Variants in MARCHF1 observed in about 807,000 individuals in gnomAD.
MARCHF1 encodes E3 ubiquitin-protein ligase MARCHF1.
MARCHF1 carries 40 observed loss-of-function variants against 54.2 expected under a neutral mutation model. The ratio of observed to expected loss-of-function variants is 0.74; its 90% CI spans 0.57 to 0.96. MARCHF1 has a LOEUF of 0.96. Among genes scored for constraint, MARCHF1 ranks in the 40% least tolerant of loss-of-function variants. The pLI, the probability that MARCHF1 is intolerant of heterozygous loss-of-function variation, is 0.00. For synonymous variants in MARCHF1, 236 were observed against 236.3 expected (o/e 1.00, Z 0.01); for missense variants, 586 against 656.5 (o/e 0.89, Z 1.17).
intron 7 of MARCHF1, among the ~76,000 whole-genome samples, chr4:163,599,728 A>T (rs369933933): frequency 2.0e-5 from 3 of 152,158 alleles, no homozygotes; most frequent in Non-Finnish European, 4.4e-5. Context: ...TCCCACTCCC[A>T]GCGTTTCTGA....
chr4:164,009,483 T>A (rs745752246), intron 2 of MARCHF1, among the ~76,000 whole-genome samples: 1 of 152,036 alleles, frequency 6.6e-6, no homozygotes, highest in East Asian at 1.9e-4. Flanking sequence ...CAGATGAAGA[T>A]ACAATAAAGA....
At chr4:163,821,995 C>G (rs865839153) in intron 4 of MARCHF1, among the ~76,000 whole-genome samples, 1 of 151,804 alleles carries the variant, frequency 6.6e-6, no homozygotes, top group Non-Finnish European at 1.5e-5. Flanking sequence ...TTTTATGAGA[C>G]AGTGTAATAA....
chr4:163,935,239 G>T (rs185678154), intron 3 of MARCHF1, among the ~76,000 whole-genome samples: 32 of 152,230 alleles, frequency 2.1e-4, no homozygotes, highest in Admixed American at 1.6e-3. Context: ...GTTACCAGCT[G>T]CATTATCCTC....
intron 4 of MARCHF1, among the ~76,000 whole-genome samples, chr4:163,710,298 G>C (rs577776145): frequency 3.2e-4 from 49 of 152,092 alleles, no homozygotes; most frequent in Non-Finnish European, 2.8e-4. Flanking sequence ...CAGATATTAA[G>C]TTGGTGTGAA....
intron 1 of MARCHF1, among the ~76,000 whole-genome samples, chr4:164,204,932 CA>C (rs1731563432): frequency 2.6e-5 from 4 of 152,046 alleles, no homozygotes; most frequent in Admixed American, 2.0e-4. Context: ...TCTGTACAAT[CA>C]AAAAACCTAA....
At chr4:163,717,957 T>C (rs187588010) in intron 4 of MARCHF1, among the ~76,000 whole-genome samples, 109 of 152,276 alleles carry the variant, frequency 7.2e-4, no homozygotes, top group African/African-American at 2.5e-3. Context: ...AACAGAGATA[T>C]AGACCAATGG....
intron 2 of MARCHF1, among the ~76,000 whole-genome samples, chr4:164,070,847 A>C (rs1229583896): frequency 4.6e-5 from 7 of 152,194 alleles, no homozygotes; most frequent in Admixed American, 1.3e-4. Flanking sequence ...ATTTCAACTG[A>C]ATTGTATCTC....
intron 1 of MARCHF1, among the ~76,000 whole-genome samples, chr4:164,253,935 C>A (rs1733194588): frequency 6.6e-6 from 1 of 152,096 alleles, no homozygotes; most frequent in Non-Finnish European, 1.5e-5. Context: ...ATGATTCTAT[C>A]TATATAACAT....
intron 4 of MARCHF1, among the ~76,000 whole-genome samples, chr4:163,713,380 C>T (rs1290065058): frequency 6.6e-6 from 1 of 152,148 alleles, no homozygotes; most frequent in East Asian, 1.9e-4. Context: ...CCCAACTATA[C>T]CACTTGTGGT....
At chr4:164,227,875 A>C (rs1165941893) in intron 1 of MARCHF1, among the ~76,000 whole-genome samples, 1 of 152,140 alleles carries the variant, frequency 6.6e-6, no homozygotes, top group African/African-American at 2.4e-5. Flanking sequence ...ACTGTAATAT[A>C]ATCAGAGGAT....
At chr4:164,340,405 T>TTATATACATATATATATATATATA (rs58808830) in intron 1 of MARCHF1, among the ~76,000 whole-genome samples, 25 of 95,646 alleles carry the variant, frequency 2.6e-4, no homozygotes, top group African/African-American at 8.3e-4. Flanking sequence ...AGGCCTTGAT[T>TTATATACATATATATATATATATA]TATATATAGA....
At chr4:164,280,059 A>G (rs1347122324) in intron 1 of MARCHF1, among the ~76,000 whole-genome samples, 2 of 151,874 alleles carry the variant, frequency 1.3e-5, no homozygotes, top group Non-Finnish European at 2.9e-5. Flanking sequence ...ATGTGGCAAG[A>G]GCATATTTGA....
rs1491462291 is a variant in MARCHF1 at position 164,274,660 on chromosome 4, T to TTC, written c.-323+109209_-323+109210insGA. 7.0e-4 allele frequency among the ~76,000 whole-genome samples: 15 copies of TTC among 21,464 alleles called. 4 individuals are homozygous for TTC. The highest frequency in any genetic ancestry group is 4.4e-3 in the African/African-American group (13 of 2,934). The allele number at this position is 21,464 out of a possible 152,430, so 14.1% of individuals were successfully genotyped here. A position where few individuals can be genotyped will look rare whatever the true frequency, so the allele number is the denominator to read the frequency against. On this transcript the variant is annotated intron_variant, in intron 1 of 9. Coordinates refer to ENST00000514618, the MANE Select transcript of MARCHF1 (RefSeq NM_001394959.1). ...GCTTGATGTGTGCTTCAGGGTACACTTTTTTTTTTTTTTTTTTTTTTTTTT... is the reference window on the plus strand; with the variant it reads ...GCTTGATGTGTGCTTCAGGGTACACTTCTTTTTTTTTTTTTTTTTTTTTTTTT...
intron 2 of MARCHF1, among the ~76,000 whole-genome samples, chr4:164,045,829 G>C (rs115759193): frequency 6.6e-6 from 1 of 151,866 alleles, no homozygotes; most frequent in Non-Finnish European, 1.5e-5. Flanking sequence ...GTTACATGAG[G>C]ACAAGGATAT....
chr4:163,921,168 AGAT>A (rs1317332250), intron 3 of MARCHF1, among the ~76,000 whole-genome samples: 1 of 152,202 alleles, frequency 6.6e-6, no homozygotes, highest in Non-Finnish European at 1.5e-5. Context: ...GAAGAAGTAA[AGAT>A]AGCCTGATGG....
At chr4:164,328,868 A>G (rs1185142329) in intron 1 of MARCHF1, among the ~76,000 whole-genome samples, 5 of 152,170 alleles carry the variant, frequency 3.3e-5, no homozygotes, top group Non-Finnish European at 7.3e-5. Flanking sequence ...GTGGCTTTAT[A>G]TATTTCACAG....
At chr4:163,691,866 A>G (rs1024814871) in intron 5 of MARCHF1, among the ~76,000 whole-genome samples, 2 of 151,910 alleles carry the variant, frequency 1.3e-5, no homozygotes, top group Non-Finnish European at 2.9e-5. Flanking sequence ...GATCATAGCT[A>G]CTCCCTTCTC....
chr4:164,072,003 T>C (rs1754876944), intron 2 of MARCHF1, among the ~76,000 whole-genome samples: 1 of 151,904 alleles, frequency 6.6e-6, no homozygotes, highest in African/African-American at 2.4e-5. Context: ...AATATGACTA[T>C]GCATCTGCAG....
At chr4:163,867,217 A>G (rs1348864839) in intron 3 of MARCHF1, among the ~76,000 whole-genome samples, 1 of 151,934 alleles carries the variant, frequency 6.6e-6, no homozygotes, top group African/African-American at 2.4e-5. Flanking sequence ...GTGGTCTGAG[A>G]CGCCCAACAT....
Sources: allele counts gnomAD v4.1 joint callset (sites outside exome capture counted in the v4.1 genomes callset), GRCh38; gene constraint gnomAD v4.1.1; transcripts MANE v1.5; gene names NCBI Gene and HGNC (gene_info 2026-07-23, HGNC 2026-07-21).